ABI2: variants seen among roughly 807,000 people sequenced by gnomAD.
ABI2 encodes abl interactor 2.
Under a neutral mutation model 59.2 loss-of-function variants are expected in ABI2, and 25 were observed. That is an observed-to-expected ratio of 0.42 (90% CI 0.31 to 0.59). ABI2 has a LOEUF of 0.59. Among genes scored for constraint, ABI2 ranks in the 20% least tolerant of loss-of-function variants. The pLI is 0.14. For missense variants in ABI2, 545 were observed against 681.8 expected, an observed-to-expected ratio of 0.80 and a Z score of 2.23; for synonymous variants, 213 against 235.5, an observed-to-expected ratio of 0.90 and a Z score of 0.87.
chr2:203,384,693 A>C (rs1319493923), intron 4 of ABI2, among the ~76,000 whole-genome samples: 1 of 152,136 alleles, frequency 6.6e-6, no homozygotes, highest in Non-Finnish European at 1.5e-5. Context: ...TTTCTGTTGA[A>C]TGCATTAAAA....
rs1402103881 is a variant in ABI2, at chr2:203,413,703, ACT to A, written c.1279+2335_1279+2336del. 2.6e-5 allele frequency among the ~76,000 whole-genome samples: 4 copies of A among 152,228 alleles called. No homozygotes were observed. In the East Asian group the frequency reaches 5.8e-4, roughly 22 times the overall value. On this transcript the variant is annotated intron_variant, in intron 10 of 11. Coordinates refer to ENST00000261018, the MANE Select transcript of ABI2 (RefSeq NM_001375670.1). Reference sequence around the variant, plus strand: ...ATTATTTGAATGTTTAAGTCTTTAAACTCTTTAAAACATTCACCTTGGAAAAA... The same window carrying A: ...ATTATTTGAATGTTTAAGTCTTTAAACTTTAAAACATTCACCTTGGAAAAA...
Position 203,395,734 on chromosome 2 carries a change from G to C in ABI2, c.804G>C (p.Gly268=). The C allele has an allele frequency of 6.2e-7, 1 of 1,610,934 alleles. No individual in the cohort carries two copies. The highest frequency in any genetic ancestry group is 8.5e-7 in the Non-Finnish European group (1 of 1,178,642). ...SRENSGSGSV[G]VPIAVPTPSP... Reference sequence around the variant, plus strand: ...AGAACAGTGGAAGTGGTAGTGTGGGGGTTCCTATTGCTGTTCCTACTCCAT... The same window carrying C: ...AGAACAGTGGAAGTGGTAGTGTGGGCGTTCCTATTGCTGTTCCTACTCCAT... The change falls in exon 7 of 12, where the codon GGG becomes GGC. Residue 268 remains glycine, a synonymous_variant. Transcript: ENST00000261018.
intron 1 of ABI2, among the ~76,000 whole-genome samples, chr2:203,331,043 T>C (rs2072962033): frequency 6.6e-6 from 1 of 152,194 alleles, no homozygotes; most frequent in South Asian, 2.1e-4. Context: ...TTAATAGAAA[T>C]GAACTTAGAT....
intron 6 of ABI2, 29 bp from the exon 7 acceptor site, chr2:203,395,627 T>C (rs202238107): frequency 1.9e-6 from 3 of 1,597,814 alleles, no homozygotes; most frequent in Non-Finnish European, 8.5e-7. Flanking sequence ...TTATAAATAC[T>C]CATGTTTTGG....
chr2:203,349,005 T>G (rs1220107738), intron 1 of ABI2, among the ~76,000 whole-genome samples: 1 of 151,974 alleles, frequency 6.6e-6, no homozygotes, highest in Non-Finnish European at 1.5e-5. Flanking sequence ...TGATCTCGGC[T>G]CACTGCAGCC....
At chr2:203,334,203 A>T (rs916574503) in intron 1 of ABI2, among the ~76,000 whole-genome samples, 1 of 152,104 alleles carries the variant, frequency 6.6e-6, no homozygotes, top group Non-Finnish European at 1.5e-5. Context: ...GGCCTTCCAC[A>T]GTGCTGGGAT....
intron 1 of ABI2, among the ~76,000 whole-genome samples, chr2:203,356,050 T>G (rs1207122276): frequency 6.6e-6 from 1 of 152,138 alleles, no homozygotes; most frequent in African/African-American, 2.4e-5. Context: ...GTATATAGTT[T>G]TTTTTCTCTC....
intron 2 of ABI2, 71 bp from the exon 3 acceptor site, chr2:203,380,137 A>G (rs1000205485): frequency 4.4e-6 from 4 of 900,692 alleles, no homozygotes; most frequent in Non-Finnish European, 6.5e-6. Flanking sequence ...ATCTCTAGGC[A>G]TATATATTTT....
At chr2:203,338,990 A>G (rs1160150436) in intron 1 of ABI2, among the ~76,000 whole-genome samples, 1 of 90,782 alleles carries the variant, frequency 1.1e-5, no homozygotes, top group Non-Finnish European at 2.1e-5. Context: ...ATAAATATAT[A>G]TATATATATA....
intron 4 of ABI2, chr2:203,383,344 A>G (rs990769277): frequency 5.2e-5 from 8 of 154,790 alleles, no homozygotes; most frequent in Admixed American, 2.6e-4. Context: ...TGGAATTGTG[A>G]AGAAATCCTT....
chr2:203,383,612 G>A (rs996042945), intron 4 of ABI2, among the ~76,000 whole-genome samples: 4 of 152,092 alleles, frequency 2.6e-5, no homozygotes, highest in Non-Finnish European at 4.4e-5. Context: ...CCTTCTTGAT[G>A]TTCCTGCGTC....
intron 5 of ABI2, among the ~76,000 whole-genome samples, chr2:203,393,419 T>C (rs999717677): frequency 1.3e-5 from 2 of 152,250 alleles, no homozygotes; most frequent in Admixed American, 6.5e-5. Flanking sequence ...GAAATTAATG[T>C]TTCCCATTTT....
At chr2:203,351,012 T>G (rs1270251461) in intron 1 of ABI2, among the ~76,000 whole-genome samples, 1 of 152,184 alleles carries the variant, frequency 6.6e-6, no homozygotes, top group African/African-American at 2.4e-5. Flanking sequence ...TTGATCCATT[T>G]TGAGTTAATT....
intron 1 of ABI2, among the ~76,000 whole-genome samples, chr2:203,337,480 GTAAT>G (rs1348311958): frequency 6.6e-6 from 1 of 152,172 alleles, no homozygotes; most frequent in East Asian, 1.9e-4. Flanking sequence ...ATTTATGAAA[GTAAT>G]TGAAGAACAT....
intron 4 of ABI2, among the ~76,000 whole-genome samples, chr2:203,382,710 T>C (rs1441172167): frequency 6.6e-6 from 1 of 152,090 alleles, no homozygotes; most frequent in Non-Finnish European, 1.5e-5. Flanking sequence ...TTTTAATCAG[T>C]ATAAAGAAAT....
chr2:203,359,840 A>G (rs886616633), intron 1 of ABI2, among the ~76,000 whole-genome samples: 15 of 59,800 alleles, frequency 2.5e-4, no homozygotes, highest in African/African-American at 6.5e-4. Context: ...CAACATGTAC[A>G]TTTTTGGGGG....
chr2:203,394,482 A>G (rs2096894227), intron 5 of ABI2: 3 of 527,512 alleles, frequency 5.7e-6, no homozygotes, highest in Non-Finnish European at 1.0e-5. Flanking sequence ...GCATTAGCAC[A>G]GGGAAATGAG....
At chr2:203,330,916 C>A (rs530939083) in intron 1 of ABI2, among the ~76,000 whole-genome samples, 1 of 152,036 alleles carries the variant, frequency 6.6e-6, no homozygotes, top group Non-Finnish European at 1.5e-5. Context: ...TTATACATTT[C>A]CTTCAGTTGA....
chr2:203,362,227 A>G (rs1303409641), intron 1 of ABI2, among the ~76,000 whole-genome samples: 1 of 152,170 alleles, frequency 6.6e-6, no homozygotes, highest in Non-Finnish European at 1.5e-5. Flanking sequence ...AGAATGTGCT[A>G]TTGTGGTCTG....
Sources: gnomAD v4.1 joint callset for allele counts (sites outside exome capture counted in the v4.1 genomes callset) on GRCh38, gnomAD v4.1.1 for gene constraint, MANE v1.5 for transcripts, NCBI Gene and HGNC (gene_info 2026-07-23, HGNC 2026-07-21) for gene names.